The following FRMD6 variants were observed in gnomAD, a reference collection of about 807,000 sequenced individuals.
The protein encoded by FRMD6 is FERM domain containing 6.
Under a neutral mutation model 73.2 loss-of-function variants are expected in FRMD6, and 37 were observed. The observed-to-expected ratio is 0.51, with a 90% confidence interval of 0.39 to 0.66. FRMD6 has a LOEUF of 0.66. Among genes scored for constraint, FRMD6 ranks in the 30% least tolerant of loss-of-function variants. The probability of loss-of-function intolerance (pLI) is 0.00; values close to 1 mark genes in which losing one functional copy is unlikely to be tolerated. For synonymous variants in FRMD6, 273 were observed against 282.2 expected, an observed-to-expected ratio of 0.97 and a Z score of 0.33; for missense variants, 714 against 780.5, an observed-to-expected ratio of 0.91 and a Z score of 1.02.
At chr14:51,467,729 G>A in the FRMD6 span, among the ~76,000 whole-genome samples, 1 of 151,638 alleles carries the variant, frequency 6.6e-6, no homozygotes, top group Non-Finnish European at 1.5e-5. Flanking sequence ...CATCCCAGAC[G>A]ATGGGTGGCC....
chr14:51,591,053 G>A (rs1370745500), intron 2 of FRMD6, among the ~76,000 whole-genome samples: 1 of 152,146 alleles, frequency 6.6e-6, no homozygotes, highest in Non-Finnish European at 1.5e-5. Flanking sequence ...GGCAGCTGCT[G>A]TGGGGTTTTT....
intron 1 of FRMD6, among the ~76,000 whole-genome samples, chr14:51,527,673 T>C (rs377599545): frequency 6.6e-6 from 1 of 152,324 alleles, no homozygotes; most frequent in East Asian, 1.9e-4. Context: ...AGCTTCTCTG[T>C]GCATCCCATA....
the FRMD6 span, among the ~76,000 whole-genome samples, chr14:51,461,766 A>C: frequency 6.6e-6 from 1 of 152,232 alleles, no homozygotes; most frequent in South Asian, 2.1e-4. Context: ...TAGAGATGGA[A>C]GGTAGTGATG....
chr14:51,402,205 A>G, the FRMD6 span, among the ~76,000 whole-genome samples: 1 of 152,254 alleles, frequency 6.6e-6, no homozygotes, highest in Non-Finnish European at 1.5e-5. Context: ...AAATGGCAGT[A>G]GGAAGGTTGG....
At chr14:51,668,150 A>G (rs1350977514) in intron 1 of FRMD6, among the ~76,000 whole-genome samples, 1 of 152,240 alleles carries the variant, frequency 6.6e-6, no homozygotes, top group Non-Finnish European at 1.5e-5. Context: ...AATTCACATT[A>G]TCAGTCATTT....
At chr14:51,525,820 A>C (rs557118620) in intron 1 of FRMD6, among the ~76,000 whole-genome samples, 14 of 152,258 alleles carry the variant, frequency 9.2e-5, no homozygotes, top group African/African-American at 3.4e-4. Flanking sequence ...ACTCTTCTAA[A>C]AGAAGGTCAC....
the FRMD6 span, among the ~76,000 whole-genome samples, chr14:51,455,214 C>A: frequency 6.6e-6 from 1 of 152,162 alleles, no homozygotes; most frequent in Non-Finnish European, 1.5e-5. Flanking sequence ...ATAGAGTATG[C>A]CTCCTAAGCT....
intron 1 of FRMD6, among the ~76,000 whole-genome samples, chr14:51,669,987 A>G (rs1044529035): frequency 6.6e-6 from 1 of 152,108 alleles, no homozygotes; most frequent in Non-Finnish European, 1.5e-5. Context: ...TAATTTCTGT[A>G]TAAGGGCTGA....
chr14:51,466,288 T>A, the FRMD6 span, among the ~76,000 whole-genome samples: 1 of 152,212 alleles, frequency 6.6e-6, no homozygotes, highest in Non-Finnish European at 1.5e-5. Context: ...ATTTGTTTCT[T>A]TTGTAATTCA....
chr14:51,470,964 G>A, the FRMD6 span, among the ~76,000 whole-genome samples: 1 of 152,154 alleles, frequency 6.6e-6, no homozygotes, highest in African/African-American at 2.4e-5. Context: ...TACATATTCT[G>A]CAGTTGCTGG....
intron 2 of FRMD6, among the ~76,000 whole-genome samples, chr14:51,617,102 G>T (rs996002866): frequency 6.6e-6 from 1 of 152,188 alleles, no homozygotes; most frequent in African/African-American, 2.4e-5. Context: ...TTTCCGTAGG[G>T]ACAGGCAGTG....
At chr14:51,507,139 G>T (rs1355611975) in intron 1 of FRMD6, among the ~76,000 whole-genome samples, 1 of 121,104 alleles carries the variant, frequency 8.3e-6, no homozygotes, top group African/African-American at 2.8e-5. Flanking sequence ...CACACACACT[G>T]CAATAAGGCT....
chr14:51,487,223 C>G (rs772951579), upstream of FRMD6, among the ~76,000 whole-genome samples: 1 of 152,168 alleles, frequency 6.6e-6, no homozygotes, highest in Non-Finnish European at 1.5e-5. Flanking sequence ...AGCTTTATAA[C>G]TGGCTTATAG....
At position 51,720,905 on chromosome 14, in the gene FRMD6, G is replaced by A. The variant is rs550840593; in HGVS notation, c.1360+515G>A. Among the ~76,000 whole-genome samples the A allele has an allele frequency of 2.1e-3, 318 of 152,348 alleles. 1 individual carries two copies. The highest frequency in any genetic ancestry group is 3.4e-3 in the Non-Finnish European group (234 of 68,034). On this transcript the variant is annotated intron_variant, in intron 11 of 13. Coordinates refer to ENST00000344768, the MANE Select transcript of FRMD6 (RefSeq NM_001267046.2). Reference sequence around the variant, plus strand: ...CCTGGTTGATAGGAACTTACTGCATGTTAAGGAGATAAGATGAATCCTATG... The same window carrying A: ...CCTGGTTGATAGGAACTTACTGCATATTAAGGAGATAAGATGAATCCTATG...
chr14:51,655,305 A>G (rs780669997), intron 1 of FRMD6, among the ~76,000 whole-genome samples: 1 of 152,228 alleles, frequency 6.6e-6, no homozygotes, highest in African/African-American at 2.4e-5. Context: ...TTGTATGATT[A>G]TATCATTACA....
chr14:51,568,310 G>A (rs995350773), intron 1 of FRMD6, among the ~76,000 whole-genome samples: 1 of 152,224 alleles, frequency 6.6e-6, no homozygotes, highest in Non-Finnish European at 1.5e-5. Flanking sequence ...CTCCTGTTTT[G>A]CATTCACAAG....
chr14:51,556,829 A>G (rs1887161394), intron 1 of FRMD6, among the ~76,000 whole-genome samples: 1 of 121,520 alleles, frequency 8.2e-6, no homozygotes, highest in Non-Finnish European at 1.7e-5. Context: ...ACCATAATCC[A>G]TAGCTTCAAC....
chr14:51,621,103 A>G (rs1429504649), intron 2 of FRMD6, among the ~76,000 whole-genome samples: 1 of 152,122 alleles, frequency 6.6e-6, no homozygotes, highest in Non-Finnish European at 1.5e-5. Context: ...GCCACTGTTT[A>G]TGTGCCCAAA....
the FRMD6 span, among the ~76,000 whole-genome samples, chr14:51,459,532 T>C: frequency 6.6e-6 from 1 of 152,162 alleles, no homozygotes; most frequent in Non-Finnish European, 1.5e-5. Flanking sequence ...TCTCCTTGTT[T>C]CAATTATACC....
Sources: allele counts gnomAD v4.1 joint callset (sites outside exome capture counted in the v4.1 genomes callset), GRCh38; gene constraint gnomAD v4.1.1; transcripts MANE v1.5; gene names NCBI Gene and HGNC (gene_info 2026-07-23, HGNC 2026-07-21).